PDE4D: variants seen among roughly 807,000 people sequenced by gnomAD.
PDE4D encodes 3',5'-cyclic-AMP phosphodiesterase 4D.
PDE4D carries 24 observed loss-of-function variants against 87.4 expected under a neutral mutation model. The observed-to-expected ratio is 0.27, with a 90% confidence interval of 0.20 to 0.39. The LOEUF (loss-of-function observed/expected upper bound fraction) is 0.39, where lower values mean the gene tolerates loss of function less well. PDE4D is among the 10% of genes least tolerant of loss of function. The probability of loss-of-function intolerance (pLI) is 1.00; values close to 1 mark genes in which losing one functional copy is unlikely to be tolerated. For missense variants in PDE4D, 714 were observed against 1,041.0 expected, an observed-to-expected ratio of 0.69 and a Z score of 4.32; for synonymous variants, 384 against 383.2, an observed-to-expected ratio of 1.00 and a Z score of -0.02.
intron 2 of PDE4D, among the ~76,000 whole-genome samples, chr5:60,068,316 A>G (rs1190547898): frequency 6.6e-6 from 1 of 152,106 alleles, no homozygotes; most frequent in Non-Finnish European, 1.5e-5. Context: ...CATTTCCTGG[A>G]TGATTAGTGA....
intron 1 of PDE4D, among the ~76,000 whole-genome samples, chr5:59,483,191 C>A (rs1355236765): frequency 6.6e-6 from 1 of 152,182 alleles, no homozygotes; most frequent in South Asian, 2.1e-4. Flanking sequence ...ACCAGCAGCT[C>A]TCCTGGGTCT....
chr5:60,285,000 T>C (rs1274972030), intron 1 of PDE4D, among the ~76,000 whole-genome samples: 3 of 152,058 alleles, frequency 2.0e-5, no homozygotes, highest in South Asian at 4.1e-4. Flanking sequence ...GCTTACAGTG[T>C]TTCTTTGTAA....
At chr5:60,231,414 G>A (rs1400684183) in intron 1 of PDE4D, among the ~76,000 whole-genome samples, 2 of 151,922 alleles carry the variant, frequency 1.3e-5, no homozygotes, top group African/African-American at 4.8e-5. Context: ...GGTTGTAGGA[G>A]TAAAGTCTAC....
intron 5 of PDE4D, chr5:59,039,501 C>T (rs1337319953): frequency 1.0e-6 from 1 of 985,708 alleles, no homozygotes; most frequent in Non-Finnish European, 1.2e-6. Context: ...CGGCCGGGTG[C>T]GCGGCCACCA....
Position 59,628,806 on chromosome 5 carries a change from A to T in PDE4D, c.455+264362T>A, listed in dbSNP as rs1357312888. Among the ~76,000 whole-genome samples the T allele has an allele frequency of 3.3e-5, 5 of 152,214 alleles. No homozygotes were observed. In the East Asian group the frequency reaches 9.6e-4, roughly 29 times the overall value. ...TGTTCTTAGAAAAGGTAGTTGTATT[A>T]GTCCGTTCTCATCCCACTAATAAAG... On this transcript the variant is annotated intron_variant, in intron 1 of 14. Coordinates refer to ENST00000340635, the MANE Select transcript of PDE4D (RefSeq NM_001104631.2).
chr5:59,409,811 TA>T (rs1792341615), intron 1 of PDE4D, among the ~76,000 whole-genome samples: 2 of 152,314 alleles, frequency 1.3e-5, no homozygotes, highest in Admixed American at 1.3e-4. Flanking sequence ...AATTGAGGAA[TA>T]AAGACCCTTG....
chr5:59,498,033 A>C (rs1807541231), intron 1 of PDE4D, among the ~76,000 whole-genome samples: 1 of 152,136 alleles, frequency 6.6e-6, no homozygotes, highest in South Asian at 2.1e-4. Flanking sequence ...GCATTTTTAA[A>C]GAAAAAAAAT....
intron 1 of PDE4D, among the ~76,000 whole-genome samples, chr5:59,843,439 TC>T (rs150019506): frequency 0.029 from 4,466 of 151,612 alleles, 100 homozygotes; most frequent in Non-Finnish European, 0.046. Flanking sequence ...CCTACCCTAC[TC>T]CCCCCCAGAA....
At chr5:59,748,739 C>T (rs1424297472) in intron 1 of PDE4D, among the ~76,000 whole-genome samples, 1 of 152,082 alleles carries the variant, frequency 6.6e-6, no homozygotes, top group Non-Finnish European at 1.5e-5. Context: ...ACCAACATGG[C>T]ACATGTATAC....
chr5:60,449,318 T>C (rs1342676600), intron 1 of PDE4D, among the ~76,000 whole-genome samples: 3 of 151,942 alleles, frequency 2.0e-5, no homozygotes, highest in African/African-American at 7.2e-5. Flanking sequence ...CTAAATGGAA[T>C]TGAAAAGTGA....
chr5:60,444,297 C>T (rs1472419899), intron 1 of PDE4D, among the ~76,000 whole-genome samples: 1 of 152,086 alleles, frequency 6.6e-6, no homozygotes, highest in African/African-American at 2.4e-5. Flanking sequence ...CAAGCCCCTG[C>T]CAGTGATTTC....
chr5:59,076,221 G>GA (rs145762604), intron 5 of PDE4D, among the ~76,000 whole-genome samples: 2 of 152,108 alleles, frequency 1.3e-5, no homozygotes, highest in East Asian at 3.9e-4. Context: ...TTACAAAGAG[G>GA]AAAAACAACA....
chr5:60,421,495 A>T (rs1327484712), intron 1 of PDE4D, among the ~76,000 whole-genome samples: 1 of 152,242 alleles, frequency 6.6e-6, no homozygotes, highest in Admixed American at 6.5e-5. Flanking sequence ...GAATAGCATC[A>T]ACATCAACAA....
chr5:59,005,184 A>G (rs1246650536), intron 6 of PDE4D, among the ~76,000 whole-genome samples: 1 of 152,200 alleles, frequency 6.6e-6, no homozygotes, highest in Non-Finnish European at 1.5e-5. Flanking sequence ...GCAGAAACAC[A>G]CATACAGTTT....
exon 3 of PDE4D, chr5:59,988,620 T>C: frequency 6.3e-7 from 1 of 1,599,342 alleles, no homozygotes; most frequent in African/African-American, 1.3e-5. Context: ...AGGGGGAAGC[T>C]GAATATTGCG....
intron 3 of PDE4D, among the ~76,000 whole-genome samples, chr5:59,986,199 C>T (rs1006216904): frequency 1.3e-4 from 20 of 152,254 alleles, no homozygotes; most frequent in Admixed American, 9.8e-4. Context: ...GGACCACAGG[C>T]GCATGCCACT....
intron 1 of PDE4D, among the ~76,000 whole-genome samples, chr5:59,798,907 A>G (rs752718521): frequency 2.6e-5 from 4 of 152,154 alleles, no homozygotes; most frequent in Non-Finnish European, 5.9e-5. Context: ...AACGCAACCA[A>G]TTTGGCTGAA....
chr5:59,704,701 CA>C (rs1753125171), intron 1 of PDE4D, among the ~76,000 whole-genome samples: 1 of 152,146 alleles, frequency 6.6e-6, no homozygotes, highest in Non-Finnish European at 1.5e-5. Flanking sequence ...TACAGATCAG[CA>C]ATAAACATTT....
intron 1 of PDE4D, among the ~76,000 whole-genome samples, chr5:59,418,384 T>C (rs1020696287): frequency 2.0e-5 from 3 of 152,198 alleles, no homozygotes; most frequent in Admixed American, 2.0e-4. Context: ...TTTTCCTACA[T>C]CCACACCTTT....
Sources: gnomAD v4.1 joint callset for allele counts (sites outside exome capture counted in the v4.1 genomes callset) on GRCh38, gnomAD v4.1.1 for gene constraint, MANE v1.5 for transcripts, NCBI Gene and HGNC (gene_info 2026-07-23, HGNC 2026-07-21) for gene names.